PLEKHG1: variants seen among roughly 807,000 people sequenced by gnomAD.
PLEKHG1 encodes the protein pleckstrin homology domain-containing family G member 1.
PLEKHG1 carries 44 observed loss-of-function variants against 100.8 expected under a neutral mutation model. That is an observed-to-expected ratio of 0.44 (90% confidence interval 0.34 to 0.56). PLEKHG1 has a LOEUF of 0.56. PLEKHG1 is among the 20% of genes least tolerant of loss of function. PLEKHG1 has a pLI of 0.01. For missense variants in PLEKHG1, 1,545 were observed against 1,720.9 expected, an observed-to-expected ratio of 0.90 and a Z score of 1.81; for synonymous variants, 640 against 662.5, an observed-to-expected ratio of 0.97 and a Z score of 0.52.
intron 14 of PLEKHG1, among the ~76,000 whole-genome samples, chr6:150,825,353 A>C (rs1394823047): frequency 6.6e-6 from 1 of 152,142 alleles, no homozygotes; most frequent in Non-Finnish European, 1.5e-5. Context: ...AGGTTGGCAG[A>C]TCACTTTGAG....
At chr6:150,671,865 T>C (rs1305911249) in intron 3 of PLEKHG1, among the ~76,000 whole-genome samples, 3 of 152,178 alleles carry the variant, frequency 2.0e-5, no homozygotes, top group Non-Finnish European at 4.4e-5. Flanking sequence ...GAGGACTAGC[T>C]CTTGCACAGC....
chr6:150,679,003 G>A (rs972958933), intron 3 of PLEKHG1, among the ~76,000 whole-genome samples: 1 of 152,076 alleles, frequency 6.6e-6, no homozygotes, highest in Non-Finnish European at 1.5e-5. Context: ...GAGAAAATAA[G>A]TAATAAATCT....
At chr6:150,838,920 A>G (rs1294418025) in intron 15 of PLEKHG1, among the ~76,000 whole-genome samples, 2 of 152,178 alleles carry the variant, frequency 1.3e-5, no homozygotes, top group Non-Finnish European at 2.9e-5. Flanking sequence ...GTGGTTTTGA[A>G]GCACTTGAGG....
chr6:150,661,458 G>A (rs1490830048), intron 3 of PLEKHG1, among the ~76,000 whole-genome samples: 1 of 152,196 alleles, frequency 6.6e-6, no homozygotes, highest in Non-Finnish European at 1.5e-5. Flanking sequence ...ACATTTTGGA[G>A]TGGATTCTTT....
At chr6:150,827,965 A>T in intron 14 of PLEKHG1, 4 of 1,612,258 alleles carry the variant, frequency 2.5e-6, no homozygotes, top group Non-Finnish European at 3.4e-6. Context: ...TCAGGGAAGG[A>T]TTATGTTCAA....
chr6:150,823,114 A>G (rs545484641), intron 13 of PLEKHG1, among the ~76,000 whole-genome samples: 1 of 152,304 alleles, frequency 6.6e-6, no homozygotes, highest in African/African-American at 2.4e-5. Context: ...GAAGGACTTC[A>G]TATGCTTCCG....
chr6:150,733,735 G>A (rs914817517), exon 2 of PLEKHG1: 8 of 1,613,944 alleles, frequency 5.0e-6, no homozygotes, highest in Admixed American at 1.7e-5. Flanking sequence ...CATCATCCTC[G>A]GCCTCTTCCC....
At chr6:150,690,509 T>G (rs112382638) in intron 3 of PLEKHG1, among the ~76,000 whole-genome samples, 1 of 152,152 alleles carries the variant, frequency 6.6e-6, no homozygotes, top group African/African-American at 2.4e-5. Flanking sequence ...CCTCCAAATA[T>G]CAAATGTAAC....
chr6:150,756,820 CTGTT>C (rs910435177), intron 2 of PLEKHG1, among the ~76,000 whole-genome samples: 20 of 152,138 alleles, frequency 1.3e-4, no homozygotes, highest in African/African-American at 4.6e-4. Flanking sequence ...CAAATGAACA[CTGTT>C]TGAGTACGTA....
intron 2 of PLEKHG1, among the ~76,000 whole-genome samples, chr6:150,748,919 A>G (rs1349849874): frequency 6.6e-6 from 1 of 151,822 alleles, no homozygotes; most frequent in Non-Finnish European, 1.5e-5. Context: ...GAGCCACTGC[A>G]CCTATCTTTG....
At chr6:150,658,765 G>A (rs775338948) in intron 3 of PLEKHG1, among the ~76,000 whole-genome samples, 1 of 152,028 alleles carries the variant, frequency 6.6e-6, no homozygotes, top group Non-Finnish European at 1.5e-5. Flanking sequence ...TCCTCACCCT[G>A]CCCTTAATAT....
At chr6:150,780,451 C>T (rs954459276) in intron 3 of PLEKHG1, among the ~76,000 whole-genome samples, 27 of 152,214 alleles carry the variant, frequency 1.8e-4, no homozygotes, top group African/African-American at 5.5e-4. Context: ...TCTCTTACCT[C>T]ATCTGGTATT....
chr6:150,636,010 T>A (rs541931849), intron 1 of PLEKHG1, among the ~76,000 whole-genome samples: 20 of 152,260 alleles, frequency 1.3e-4, no homozygotes, highest in Admixed American at 6.5e-4. Context: ...AACAGAGGCA[T>A]TTTTGAGTTG....
intron 15 of PLEKHG1, among the ~76,000 whole-genome samples, chr6:150,832,561 G>A (rs918180519): frequency 6.6e-6 from 1 of 152,138 alleles, no homozygotes; most frequent in South Asian, 2.1e-4. Flanking sequence ...TTTTTAGGAG[G>A]AGGAGGAGTG....
chr6:150,821,482 G>A (rs575404784), intron 13 of PLEKHG1, among the ~76,000 whole-genome samples: 132 of 152,160 alleles, frequency 8.7e-4, no homozygotes, highest in African/African-American at 3.0e-3. Flanking sequence ...CCAGGACTTC[G>A]AGACTAGCCT....
chr6:150,763,662 AC>A (rs1462074341), intron 2 of PLEKHG1, among the ~76,000 whole-genome samples: 1 of 152,116 alleles, frequency 6.6e-6, no homozygotes, highest in African/African-American at 2.4e-5. Context: ...GTTTTACCTC[AC>A]CAGCCACCTA....
intron 2 of PLEKHG1, among the ~76,000 whole-genome samples, chr6:150,747,877 CAA>C (rs1056958121): frequency 4.0e-5 from 6 of 148,890 alleles, no homozygotes; most frequent in Non-Finnish European, 5.9e-5. Flanking sequence ...GCCTAGGCGA[CAA>C]GAGCGAAACT....
chr6:150,731,041 G>A (rs1782223913), intron 1 of PLEKHG1, among the ~76,000 whole-genome samples: 1 of 152,168 alleles, frequency 6.6e-6, no homozygotes. Context: ...GATGGTCTAG[G>A]TTATGGAGGG....
chr6:150,785,897 G>T (rs1211995390), intron 3 of PLEKHG1, among the ~76,000 whole-genome samples: 15 of 152,032 alleles, frequency 9.9e-5, no homozygotes, highest in African/African-American at 3.4e-4. Context: ...GAATCTAATG[G>T]TAAGTGTAAT....
Sources: allele counts gnomAD v4.1 joint callset (sites outside exome capture counted in the v4.1 genomes callset), GRCh38; gene constraint gnomAD v4.1.1; transcripts MANE v1.5; gene names NCBI Gene and HGNC (gene_info 2026-07-23, HGNC 2026-07-21).